FAM107B: variants seen among roughly 807,000 people sequenced by gnomAD.
The protein encoded by FAM107B is family with sequence similarity 107 member B.
Under a neutral mutation model 31.5 loss-of-function variants are expected in FAM107B, and 21 were observed. The ratio of observed to expected loss-of-function variants is 0.67; its 90% confidence interval spans 0.47 to 0.96. The LOEUF is 0.96. FAM107B is among the 40% of genes least tolerant of loss of function. The pLI is 0.00. For missense variants in FAM107B, 452 were observed against 377.1 expected, an observed-to-expected ratio of 1.20 and a Z score of -1.64; for synonymous variants, 157 against 141.5, an observed-to-expected ratio of 1.11 and a Z score of -0.78.
chr10:14,575,234 C>T (rs113019499), intron 2 of FAM107B, among the ~76,000 whole-genome samples: 3,510 of 151,188 alleles, frequency 0.023, 67 homozygotes, highest in East Asian at 0.091. Context: ...GATGGCGTCT[C>T]GCTCTATCGC....
chr10:14,736,047 GA>G (rs1259957879), intron 1 of FAM107B, among the ~76,000 whole-genome samples: 5 of 152,140 alleles, frequency 3.3e-5, no homozygotes, highest in African/African-American at 4.8e-5. Flanking sequence ...AGGGAAAAGG[GA>G]AAAGAAGAGG....
chr10:14,654,157 C>T (rs1853977241), intron 2 of FAM107B, among the ~76,000 whole-genome samples: 2 of 145,520 alleles, frequency 1.4e-5, no homozygotes, highest in South Asian at 4.4e-4. Flanking sequence ...TTGGCTAGTT[C>T]TTACAATTTC....
At position 14,761,011 on chromosome 10, in the gene FAM107B, CAAAAAAAA is replaced by C. The variant is rs565835423; in HGVS notation, c.411+13234_411+13241del. Among the ~76,000 whole-genome samples the C allele has an allele frequency of 0.015, 1,152 of 77,656 alleles. 52 individuals carry two copies. The East Asian group carries it at 0.28, about 19-fold the overall frequency. The allele number at this position is 77,656 out of a possible 152,430, so 50.9% of individuals were successfully genotyped here. ...TGGGCGACAGAGCAAGACTCCGTTTCAAAAAAAAAAAAAAAAAAAAAAAAAGAAAGACA... is the reference window on the plus strand; with the variant it reads ...TGGGCGACAGAGCAAGACTCCGTTTCAAAAAAAAAAAAAAAAAGAAAGACA... On this transcript the variant is annotated intron_variant, in intron 1 of 4. Coordinates refer to ENST00000181796, the MANE Select transcript of FAM107B (RefSeq NM_031453.4).
At chr10:14,634,531 G>A (rs545429484) in intron 2 of FAM107B, among the ~76,000 whole-genome samples, 2 of 152,156 alleles carry the variant, frequency 1.3e-5, no homozygotes, top group African/African-American at 2.4e-5. Flanking sequence ...GAAAGTTGAT[G>A]AAATTCTGCT....
chr10:14,632,195 G>A (rs1853372715), intron 2 of FAM107B, among the ~76,000 whole-genome samples: 1 of 151,502 alleles, frequency 6.6e-6, no homozygotes, highest in Non-Finnish European at 1.5e-5. Context: ...CTAGTTGGGA[G>A]GCTGAGGCAA....
At chr10:14,622,669 G>A (rs748803891) in intron 2 of FAM107B, among the ~76,000 whole-genome samples, 39 of 152,078 alleles carry the variant, frequency 2.6e-4, no homozygotes, top group Admixed American at 5.2e-4. Flanking sequence ...TAAAGCTTCC[G>A]TACACTAGAC....
chr10:14,772,925 A>G (rs1411634742), intron 1 of FAM107B, among the ~76,000 whole-genome samples: 1 of 152,228 alleles, frequency 6.6e-6, no homozygotes, highest in Admixed American at 6.5e-5. Flanking sequence ...GCATTGCTCA[A>G]CAGAAAGTCT....
At chr10:14,566,258 G>C (rs560159574) in intron 2 of FAM107B, among the ~76,000 whole-genome samples, 11 of 152,264 alleles carry the variant, frequency 7.2e-5, no homozygotes, top group Admixed American at 7.2e-4. Context: ...GTGACTTTAA[G>C]GTGATCCCAC....
intron 1 of FAM107B, among the ~76,000 whole-genome samples, chr10:14,772,764 C>T (rs757228943): frequency 3.9e-5 from 6 of 152,170 alleles, no homozygotes; most frequent in Non-Finnish European, 5.9e-5. Flanking sequence ...GGACACTAAA[C>T]ATGGATGTGG....
chr10:14,650,210 G>GTT (rs58066871), intron 2 of FAM107B, among the ~76,000 whole-genome samples: 3 of 148,186 alleles, frequency 2.0e-5, no homozygotes, highest in African/African-American at 4.9e-5. Context: ...TTCGCATACA[G>GTT]TTTTTTTTTT....
At chr10:14,597,764 A>C (rs1852234783) in intron 2 of FAM107B, among the ~76,000 whole-genome samples, 1 of 152,294 alleles carries the variant, frequency 6.6e-6, no homozygotes, top group East Asian at 1.9e-4. Flanking sequence ...AGCCTGGCCA[A>C]TATGGTGAAA....
chr10:14,682,571 A>T (rs1854863349), intron 1 of FAM107B, among the ~76,000 whole-genome samples: 1 of 152,188 alleles, frequency 6.6e-6, no homozygotes, highest in Non-Finnish European at 1.5e-5. Flanking sequence ...ATAAAAAAGG[A>T]TGAGCTCATG....
intron 1 of FAM107B, among the ~76,000 whole-genome samples, chr10:14,755,870 C>T (rs922189654): frequency 3.9e-5 from 6 of 152,156 alleles, no homozygotes; most frequent in Non-Finnish European, 5.9e-5. Context: ...GTAAATTTTA[C>T]TCTGAAAGTT....
chr10:14,739,200 TGGCCCA>T (rs1856379995), intron 1 of FAM107B, among the ~76,000 whole-genome samples: 4 of 152,132 alleles, frequency 2.6e-5, no homozygotes, highest in Admixed American at 2.0e-4. Flanking sequence ...GATCACAGGG[TGGCCCA>T]GATTCAAAAG....
intron 2 of FAM107B, among the ~76,000 whole-genome samples, chr10:14,619,208 C>G (rs1208573285): frequency 1.3e-5 from 2 of 152,204 alleles, no homozygotes; most frequent in Non-Finnish European, 1.5e-5. Context: ...CTTTGCGATA[C>G]TTTGTTACAG....
chr10:14,700,656 T>C (rs1855375725), intron 1 of FAM107B, among the ~76,000 whole-genome samples: 1 of 151,988 alleles, frequency 6.6e-6, no homozygotes. Context: ...CAACTCCCTC[T>C]ACATCCATTT....
intron 1 of FAM107B, among the ~76,000 whole-genome samples, chr10:14,769,213 C>T (rs1010169632): frequency 1.4e-4 from 22 of 152,182 alleles, no homozygotes; most frequent in African/African-American, 3.6e-4. Context: ...GAGGCTCAGA[C>T]GCTCAGTAAC....
chr10:14,608,065 C>T (rs1344605693), intron 2 of FAM107B, among the ~76,000 whole-genome samples: 1 of 152,126 alleles, frequency 6.6e-6, no homozygotes. Flanking sequence ...TGGAATAAGA[C>T]GTGTTGCTTT....
At chr10:14,679,589 C>G (rs1313039088) in intron 1 of FAM107B, among the ~76,000 whole-genome samples, 2 of 152,226 alleles carry the variant, frequency 1.3e-5, no homozygotes, top group African/African-American at 4.8e-5. Flanking sequence ...GGTAAAGTTG[C>G]TACCCCTTGG....
Sources: gnomAD v4.1 joint callset for allele counts (sites outside exome capture counted in the v4.1 genomes callset) on GRCh38, gnomAD v4.1.1 for gene constraint, MANE v1.5 for transcripts, NCBI Gene and HGNC (gene_info 2026-07-23, HGNC 2026-07-21) for gene names.